Variants in ASB1 observed in about 807,000 individuals in gnomAD.
ASB1 encodes ankyrin repeat and SOCS box containing 1, also known as ankyrin repeat and SOCS box protein 1.
A neutral mutation model predicts 27.7 loss-of-function variants in ASB1; 18 were observed. The ratio of observed to expected loss-of-function variants is 0.65; its 90% CI spans 0.45 to 0.96. The LOEUF (loss-of-function observed/expected upper bound fraction) is 0.96. ASB1 is among the 50% of genes least tolerant of loss of function. The pLI is 0.00. For missense variants in ASB1, 397 were observed against 451.7 expected, an observed-to-expected ratio of 0.88 and a Z score of 1.10; for synonymous variants, 189 against 187.6, an observed-to-expected ratio of 1.01 and a Z score of -0.06.
chr2:238,429,927 G>A, intron 1 of ASB1, among the ~76,000 whole-genome samples: 1 of 120,170 alleles, frequency 8.3e-6, no homozygotes, highest in Admixed American at 8.8e-5. Context: ...CACAGAGTGA[G>A]ACTCCGTCTC....
rs760763897 is a variant in ASB1, at chr2:238,446,634, G to A, written c.*123G>A. 107 of 1,309,900 alleles carry A rather than the reference G, an allele frequency of 8.2e-5. No homozygotes were observed. The Middle Eastern group carries it at 9.7e-4, about 12-fold the overall frequency. The allele number at this position is 1,309,900 out of a possible 1,614,324, so 81.1% of individuals were successfully genotyped here. A position where few individuals can be genotyped will look rare whatever the true frequency, so the allele number is the denominator to read the frequency against. On this transcript the variant is annotated 3_prime_UTR_variant, in exon 5 of 5. Coordinates refer to ENST00000264607, the MANE Select transcript of ASB1 (RefSeq NM_001040445.3). ...GGCTGTTGCTGCAGAAGATGTCCTCGTAGACTGTCATTGCTCCTCAGGTGC... is the reference window on the plus strand; with the variant it reads ...GGCTGTTGCTGCAGAAGATGTCCTCATAGACTGTCATTGCTCCTCAGGTGC...
rs3769111 is a variant in ASB1 at position 238,428,795 on chromosome 2, A to C, written c.49+1676A>C. ...GGAGCTGGGGAAAGATTCTGAGTCT[A>C]CTTTGAGCAGGGCCAGGAATGGATA... On this transcript the variant is annotated intron_variant, in intron 1 of 4. Transcript: ENST00000264607. Among the ~76,000 whole-genome samples, 152 of 152,312 alleles carry C rather than the reference A, an allele frequency of 1.0e-3. 1 individual carries two copies. Among genetic ancestry groups the C allele is most frequent in the African/African-American group, 3.4e-3 (142 of 41,560 alleles).
At chr2:238,427,256 G>A in intron 1 of ASB1, 137 bp downstream of exon 1, 1 of 569,720 alleles carries the variant, frequency 1.8e-6, no homozygotes, top group Non-Finnish European at 2.6e-6. Context: ...GCACCCTGCA[G>A]GCCGGGGGTG....
At position 238,433,355 on chromosome 2, in the gene ASB1, G is replaced by A. The variant is rs1476585534; in HGVS notation, c.50-199G>A. On this transcript the variant is annotated intron_variant, in intron 1 of 4. Coordinates refer to ENST00000264607, the MANE Select transcript of ASB1 (RefSeq NM_001040445.3). Reference sequence around the variant, plus strand: ...TGCCCAGGCTGATCTTGAACTCCTGGCCTCAAGTGATCCTGCCTCAGCCTC... The same window carrying A: ...TGCCCAGGCTGATCTTGAACTCCTGACCTCAAGTGATCCTGCCTCAGCCTC... The A allele has an allele frequency of 1.2e-5, 7 of 568,392 alleles. No homozygotes were observed. The South Asian group carries it at 1.3e-4, about 10-fold the overall frequency. 35.2% of individuals were successfully genotyped at this position (568,392 alleles called of 1,614,324 possible).
intron 3 of ASB1, among the ~76,000 whole-genome samples, chr2:238,442,214 G>A (rs754071798): frequency 2.0e-5 from 3 of 151,826 alleles, no homozygotes. Flanking sequence ...CGCCTCCCGG[G>A]TTGAAGCAAT....
chr2:238,438,945 A>G (rs750123621), intron 3 of ASB1, among the ~76,000 whole-genome samples: 6 of 152,224 alleles, frequency 3.9e-5, no homozygotes, highest in Non-Finnish European at 8.8e-5. Flanking sequence ...GAATTTGGAA[A>G]ATATTCAGGA....
chr2:238,438,199 ATTT>A (rs57391955), intron 3 of ASB1, among the ~76,000 whole-genome samples: 3 of 98,204 alleles, frequency 3.1e-5, no homozygotes, highest in South Asian at 7.5e-4. Flanking sequence ...GATGCCCTTC[ATTT>A]TTTTTTTTTT....
chr2:238,444,123 T>G (rs575619310), intron 3 of ASB1, among the ~76,000 whole-genome samples: 204 of 152,360 alleles, frequency 1.3e-3, no homozygotes, highest in African/African-American at 4.6e-3. Context: ...AGGACTTCCC[T>G]TAGGAATTTT....
rs1163764379 is a variant in ASB1 at position 238,436,006 on chromosome 2, C to G, written c.487C>G (p.Leu163Val). The G allele has an allele frequency of 6.2e-7, 1 of 1,611,100 alleles. No individual in the cohort carries two copies. Among genetic ancestry groups the G allele is most frequent in the South Asian group, 1.1e-5 (1 of 90,820 alleles). The change falls in exon 3 of 5, where the codon CTC (leucine) becomes GTC (valine). Residue 163 changes from leucine (L) to valine (V), a missense_variant. By Grantham distance (32) the Leu-to-Val change is conservative (BLOSUM62 1). Transcript: ENST00000264607. ...RVGRADILKA[L>V]IRYGADVDVN... Reference sequence around the variant, plus strand: ...GGGCCGGGCAGACATCCTGAAGGCCCTCATCAGGCCAGTACTGTGGAGCTC... The same window carrying G: ...GGGCCGGGCAGACATCCTGAAGGCCGTCATCAGGCCAGTACTGTGGAGCTC...
intron 3 of ASB1, among the ~76,000 whole-genome samples, chr2:238,439,798 TC>T (rs576106746): frequency 1.6e-4 from 24 of 152,318 alleles, no homozygotes; most frequent in African/African-American, 5.8e-4. Flanking sequence ...GATACTCACT[TC>T]CGTTATTTGA....
At position 238,433,692 on chromosome 2, in the gene ASB1, G is replaced by A. The variant is rs143803285; in HGVS notation, c.188G>A (p.Arg63Gln). ...LRSLLQEESY[R>Q]SRINEKSVWC... ...AGCCTATTGCAAGAGGAGAGCTACC[G>A]GAGGTGAGCGGCGCTGCCCAGGGCT... The change falls in exon 2 of 5, where the codon CGG becomes CAG. Residue 63 changes from arginine (R) to glutamine (Q), a missense_variant. Coordinates refer to ENST00000264607, the MANE Select transcript of ASB1 (RefSeq NM_001040445.3). 1.1e-5 allele frequency: 18 copies of A among 1,613,726 alleles called. No homozygotes were observed. Among genetic ancestry groups the A allele is most frequent in the Non-Finnish European group, 1.4e-5 (16 of 1,179,906 alleles).
At position 238,441,787 on chromosome 2, in the gene ASB1, C is replaced by T. The variant is rs117243207; in HGVS notation, c.495-2555C>T. Among the ~76,000 whole-genome samples, 181 of 152,296 alleles carry T rather than the reference C, an allele frequency of 1.2e-3. 2 individuals carry two copies. The East Asian group carries it at 0.03, about 25-fold the overall frequency. On this transcript the variant is annotated intron_variant, in intron 3 of 4. Coordinates refer to ENST00000264607, the MANE Select transcript of ASB1 (RefSeq NM_001040445.3). ...TAGGGATGGTGCTTTAATGAATTGC[C>T]TTGTGCATACATCTTTCCATAGTTT... is the stretch of plus-strand genomic sequence containing the variant.
chr2:238,437,074 A>G (rs1158581592), intron 3 of ASB1, among the ~76,000 whole-genome samples: 2 of 151,874 alleles, frequency 1.3e-5, no homozygotes, highest in Non-Finnish European at 2.9e-5. Flanking sequence ...TTTGTCTAGG[A>G]GTTTTTGCTT....
In ASB1 at chr2:238,446,570, A is replaced by G. The variant is rs1702184808; in HGVS notation, c.*59A>G. 1.9e-5 allele frequency: 30 copies of G among 1,598,502 alleles called. 1 individual carries two copies. In the East Asian group the frequency reaches 6.7e-4, roughly 36 times the overall value. On this transcript the variant is annotated 3_prime_UTR_variant, in exon 5 of 5. Coordinates refer to ENST00000264607, the MANE Select transcript of ASB1 (RefSeq NM_001040445.3). ...GAAAGTGATCTGCAGGGAGGTGGAC[A>G]CCGAGCCCTGAGTGCTGTGCTGCTG...
intron 1 of ASB1, 184 bp downstream of exon 1, chr2:238,427,303 C>G: frequency 2.5e-6 from 1 of 392,346 alleles, no homozygotes; most frequent in Non-Finnish European, 4.4e-6. Context: ...GCGACCCCAC[C>G]ACGGACGCGC....
intron 1 of ASB1, among the ~76,000 whole-genome samples, chr2:238,432,562 G>A (rs1462686031): frequency 2.6e-5 from 4 of 152,128 alleles, no homozygotes; most frequent in Non-Finnish European, 4.4e-5. Flanking sequence ...GGAGTCACCC[G>A]TGTAGCAGAT....
intron 1 of ASB1, among the ~76,000 whole-genome samples, chr2:238,430,810 C>T (rs571314715): frequency 2.2e-4 from 34 of 152,330 alleles, no homozygotes; most frequent in South Asian, 1.7e-3. Flanking sequence ...GAGAGCTCTT[C>T]GGTGACTAGG....
intron 3 of ASB1, among the ~76,000 whole-genome samples, chr2:238,441,878 G>A (rs1478574920): frequency 6.6e-6 from 1 of 152,254 alleles, no homozygotes; most frequent in Non-Finnish European, 1.5e-5. Context: ...AAATGCATAT[G>A]TAATTTTGCT....
chr2:238,446,554 C>T lies in ASB1; in HGVS notation c.*43C>T, dbSNP rs1361351601. ...TGATTCCAGTGAGGGAGAAAGTGAT[C>T]TGCAGGGAGGTGGACACCGAGCCCT... On this transcript the variant is annotated 3_prime_UTR_variant, in exon 5 of 5. Transcript: ENST00000264607. 3 of 1,608,206 alleles carry T rather than the reference C, an allele frequency of 1.9e-6. No individual in the cohort carries two copies. The highest frequency in any genetic ancestry group is 1.7e-5 in the Admixed American group (1 of 60,014).
Sources: allele counts gnomAD v4.1 joint callset (sites outside exome capture counted in the v4.1 genomes callset), GRCh38; gene constraint gnomAD v4.1.1; transcripts MANE v1.5; gene names NCBI Gene and HGNC (gene_info 2026-07-23, HGNC 2026-07-21).